The following ZNRF1 variants were observed in gnomAD, a reference collection of about 807,000 sequenced individuals.
ZNRF1 encodes E3 ubiquitin-protein ligase ZNRF1.
Under a neutral mutation model 18.4 loss-of-function variants are expected in ZNRF1, and 3 were observed. The ratio of observed to expected loss-of-function variants is 0.16; its 90% confidence interval spans 0.07 to 0.42. ZNRF1 has a LOEUF of 0.42. ZNRF1 is among the 10% of genes least tolerant of loss of function. ZNRF1 has a pLI of 0.99. For synonymous variants in ZNRF1, 157 were observed against 144.2 expected, an observed-to-expected ratio of 1.09 and a Z score of -0.64; for missense variants, 310 against 329.8, an observed-to-expected ratio of 0.94 and a Z score of 0.47.
intron 1 of ZNRF1, among the ~76,000 whole-genome samples, chr16:75,048,711 A>G (rs922033638): frequency 3.3e-5 from 5 of 152,150 alleles, no homozygotes; most frequent in African/African-American, 9.7e-5. Context: ...TGTCCTTCCC[A>G]CTGCATCCTA....
chr16:75,010,702 T>G (rs942591926), intron 1 of ZNRF1, among the ~76,000 whole-genome samples: 2 of 38,216 alleles, frequency 5.2e-5, no homozygotes, highest in East Asian at 1.6e-3. Flanking sequence ...TACTGTACTG[T>G]TTTTTTTTGT....
At chr16:75,088,349 A>G (rs1250218334) in intron 1 of ZNRF1, among the ~76,000 whole-genome samples, 1 of 152,162 alleles carries the variant, frequency 6.6e-6, no homozygotes, top group Non-Finnish European at 1.5e-5. Context: ...TTTTCCATTT[A>G]AAAGGTCATC....
intron 1 of ZNRF1, 152 bp downstream of exon 1, chr16:75,000,247 T>G (rs1286033553): frequency 1.8e-6 from 2 of 1,124,864 alleles, no homozygotes; most frequent in East Asian, 2.6e-5. Flanking sequence ...ATGGGATACC[T>G]ACCGTCTGGA....
chr16:75,029,387 A>T (rs2035270152), intron 1 of ZNRF1, among the ~76,000 whole-genome samples: 1 of 152,096 alleles, frequency 6.6e-6, no homozygotes, highest in East Asian at 1.9e-4. Context: ...TGACCTTGTG[A>T]TTCGCCTGCC....
chr16:75,020,785 G>T (rs982235201), intron 1 of ZNRF1, among the ~76,000 whole-genome samples: 2 of 151,852 alleles, frequency 1.3e-5, no homozygotes, highest in African/African-American at 2.4e-5. Flanking sequence ...CTCATGATCC[G>T]CTGCCCTCGG....
intron 1 of ZNRF1, among the ~76,000 whole-genome samples, chr16:75,019,528 G>C (rs1396873934): frequency 6.6e-6 from 1 of 152,032 alleles, no homozygotes; most frequent in Non-Finnish European, 1.5e-5. Context: ...ATACTACACA[G>C]TCAGTTTTCA....
intron 1 of ZNRF1, among the ~76,000 whole-genome samples, chr16:75,082,663 C>G (rs968505831): frequency 3.9e-5 from 6 of 152,210 alleles, no homozygotes; most frequent in Non-Finnish European, 8.8e-5. Flanking sequence ...CAGCCATCCT[C>G]CTGCCTCAGC....
At chr16:75,106,451 C>G (rs749117207) in intron 3 of ZNRF1, 31 bp from the exon 4 acceptor site, 2 of 1,613,636 alleles carry the variant, frequency 1.2e-6, no homozygotes, top group Non-Finnish European at 1.7e-6. Flanking sequence ...CAGCAGGTAA[C>G]GTGGTTTCCC....
chr16:75,020,204 T>G (rs1336606006), intron 1 of ZNRF1, among the ~76,000 whole-genome samples: 3 of 152,194 alleles, frequency 2.0e-5, no homozygotes, highest in Non-Finnish European at 4.4e-5. Context: ...GGTCTTTTTT[T>G]GTCTGGTATT....
At chr16:75,076,200 T>G (rs2035939091) in intron 1 of ZNRF1, among the ~76,000 whole-genome samples, 1 of 152,246 alleles carries the variant, frequency 6.6e-6, no homozygotes, top group Non-Finnish European at 1.5e-5. Context: ...ATTATATGTT[T>G]TAATCTTCTA....
At chr16:75,049,404 G>A (rs1270691123) in intron 1 of ZNRF1, among the ~76,000 whole-genome samples, 1 of 151,488 alleles carries the variant, frequency 6.6e-6, no homozygotes, top group Non-Finnish European at 1.5e-5. Context: ...ATAGCTTACT[G>A]CAGCCTCAGC....
chr16:75,008,583 A>G (rs1286295905), intron 1 of ZNRF1, among the ~76,000 whole-genome samples: 1 of 152,062 alleles, frequency 6.6e-6, no homozygotes, highest in Non-Finnish European at 1.5e-5. Flanking sequence ...AAAGTATAAG[A>G]CTTTTTTTTC....
intron 1 of ZNRF1, among the ~76,000 whole-genome samples, chr16:75,029,827 G>A (rs1203791588): frequency 1.3e-5 from 2 of 151,908 alleles, no homozygotes; most frequent in African/African-American, 2.4e-5. Flanking sequence ...TTGAGGTCAG[G>A]AGTTCGAGAC....
At chr16:75,091,883 A>G (rs1029788708) in intron 1 of ZNRF1, among the ~76,000 whole-genome samples, 1 of 152,156 alleles carries the variant, frequency 6.6e-6, no homozygotes, top group East Asian at 1.9e-4. Context: ...CTAATAGCCT[A>G]CTGTTAACCA....
chr16:75,054,307 G>C (rs1200185519), intron 1 of ZNRF1, among the ~76,000 whole-genome samples: 1 of 152,226 alleles, frequency 6.6e-6, no homozygotes, highest in Non-Finnish European at 1.5e-5. Context: ...TTTGTTGTGA[G>C]GGTAGGGTAC....
intron 1 of ZNRF1, among the ~76,000 whole-genome samples, chr16:75,075,031 G>A (rs546082982): frequency 6.6e-6 from 1 of 151,490 alleles, no homozygotes; most frequent in East Asian, 1.9e-4. Context: ...CCCCTGCCTG[G>A]GGTCATAAGC....
intron 1 of ZNRF1, among the ~76,000 whole-genome samples, chr16:75,079,526 A>G (rs998229828): frequency 2.0e-5 from 3 of 151,816 alleles, no homozygotes; most frequent in African/African-American, 7.3e-5. Context: ...TCAGGCCCTC[A>G]CAGCTGTCTA....
At chr16:75,071,287 A>G (rs1022727535) in intron 1 of ZNRF1, among the ~76,000 whole-genome samples, 1 of 152,116 alleles carries the variant, frequency 6.6e-6, no homozygotes, top group Non-Finnish European at 1.5e-5. Context: ...TTTAGTAGAG[A>G]CAGGGTTTCG....
chr16:75,110,328 C>T lies in ZNRF1; in HGVS notation c.*2628C>T, dbSNP rs1254081024. 6.6e-6 allele frequency: 1 copy of T among 152,320 alleles called. No homozygotes were observed. Among genetic ancestry groups the T allele is most frequent in the Non-Finnish European group, 1.5e-5 (1 of 68,138 alleles). 9.4% of individuals were successfully genotyped at this position (152,320 alleles called of 1,614,324 possible). A position where few individuals can be genotyped will look rare whatever the true frequency, so the allele number is the denominator to read the frequency against. ...GAATCCTGTGTTGCCCCTGTTCTGC[C>T]TTTCTGGGATGGGAGAGAAGGTGAG... On this transcript the variant is annotated 3_prime_UTR_variant, in exon 5 of 5. Coordinates refer to ENST00000335325, the MANE Select transcript of ZNRF1 (RefSeq NM_032268.5).
Sources: allele counts gnomAD v4.1 joint callset (sites outside exome capture counted in the v4.1 genomes callset), GRCh38; gene constraint gnomAD v4.1.1; transcripts MANE v1.5; gene names NCBI Gene and HGNC (gene_info 2026-07-23, HGNC 2026-07-21).